The following PRKD1 variants were observed in gnomAD, a reference collection of about 807,000 sequenced individuals.
PRKD1 encodes the protein protein kinase D1, also known as serine/threonine-protein kinase D1.
A neutral mutation model predicts 95.9 loss-of-function variants in PRKD1; 63 were observed. That is an observed-to-expected ratio of 0.66 (90% CI 0.54 to 0.81). The LOEUF (loss-of-function observed/expected upper bound fraction) is 0.81. PRKD1 is among the 30% of genes least tolerant of loss of function. PRKD1 has a pLI of 0.00. For missense variants in PRKD1, 1,048 were observed against 1,165.3 expected (o/e 0.90, Z 1.47); for synonymous variants, 425 against 423.1 (o/e 1.00, Z -0.05).
chr14:29,839,293 T>A (rs1181549340), intron 1 of PRKD1, among the ~76,000 whole-genome samples: 1 of 152,188 alleles, frequency 6.6e-6, no homozygotes, highest in Non-Finnish European at 1.5e-5. Flanking sequence ...TTGATGGAAA[T>A]TTTAAACAAC....
chr14:29,835,069 A>T (rs1208284333), intron 1 of PRKD1, among the ~76,000 whole-genome samples: 3 of 152,206 alleles, frequency 2.0e-5, no homozygotes, highest in Non-Finnish European at 4.4e-5. Flanking sequence ...TAACATACAA[A>T]GAAATACAAA....
intron 2 of PRKD1, among the ~76,000 whole-genome samples, chr14:29,693,662 A>C (rs1371622518): frequency 6.6e-6 from 1 of 150,894 alleles, no homozygotes; most frequent in Non-Finnish European, 1.5e-5. Flanking sequence ...AAAAAAAAAA[A>C]ACCAACACCA....
At chr14:29,657,605 G>C (rs1376576969) in intron 4 of PRKD1, 2 of 152,358 alleles carry the variant, frequency 1.3e-5, no homozygotes, top group Non-Finnish European at 2.9e-5. Flanking sequence ...AGTGGCTCAC[G>C]GCTGTAATGC....
chr14:29,600,660 T>C lies in PRKD1; in HGVS notation c.1906-843A>G, dbSNP rs888776257. Among the ~76,000 whole-genome samples the C allele has an allele frequency of 8.5e-5, 13 of 152,130 alleles. 1 individual carries two copies. The highest frequency in any genetic ancestry group is 7.2e-4 in the Admixed American group (11 of 15,262). ...GGATGTAAGTATGCGTGGATTTTGA[T>C]ATGTGGTGCGGTGGTTCTGGAACAA... On this transcript the variant is annotated intron_variant, in intron 13 of 17. Coordinates refer to ENST00000331968, the MANE Select transcript of PRKD1 (RefSeq NM_002742.3).
chr14:29,641,957 G>A (rs1157314718), intron 4 of PRKD1, among the ~76,000 whole-genome samples: 2 of 136,250 alleles, frequency 1.5e-5, no homozygotes, highest in East Asian at 4.2e-4. Context: ...AGGCTGCAGT[G>A]CAATGGGGCA....
rs139656260 is a variant in PRKD1, at chr14:29,604,552, G to A, written c.1906-4735C>T. Among the ~76,000 whole-genome samples the A allele has an allele frequency of 9.5e-3, 1,448 of 152,202 alleles. 25 individuals carry two copies. The highest frequency in any genetic ancestry group is 0.033 in the African/African-American group (1,381 of 41,520). On this transcript the variant is annotated intron_variant, in intron 13 of 17. Coordinates refer to ENST00000331968, the MANE Select transcript of PRKD1 (RefSeq NM_002742.3). ...ATTCCATCACACAATGGAATGGGTG[G>A]GGGGCATGAGGTACAGTACTGCAGC...
chr14:29,916,348 C>G (rs1358607376), intron 1 of PRKD1, among the ~76,000 whole-genome samples: 3 of 152,226 alleles, frequency 2.0e-5, no homozygotes, highest in East Asian at 3.8e-4. Context: ...TCTTCTGGCT[C>G]TAGCCACAGG....
At chr14:29,667,914 T>G (rs1421106441) in intron 2 of PRKD1, among the ~76,000 whole-genome samples, 1 of 147,998 alleles carries the variant, frequency 6.8e-6, no homozygotes, top group Non-Finnish European at 1.5e-5. Context: ...CTCCTCCAAT[T>G]TATGCTAGGT....
chr14:29,731,882 T>TTA (rs1372985584), intron 1 of PRKD1, among the ~76,000 whole-genome samples: 395 of 124,636 alleles, frequency 3.2e-3, no homozygotes, highest in Admixed American at 9.9e-3. Context: ...TTTTTTTTTT[T>TTA]TTTTTTTTTG....
At chr14:29,714,547 T>G (rs1464785376) in intron 2 of PRKD1, among the ~76,000 whole-genome samples, 1 of 152,188 alleles carries the variant, frequency 6.6e-6, no homozygotes, top group Non-Finnish European at 1.5e-5. Context: ...GAAGACAGTG[T>G]GGTGATTCCT....
intron 1 of PRKD1, among the ~76,000 whole-genome samples, chr14:29,788,384 T>C (rs1889369553): frequency 6.6e-6 from 1 of 152,222 alleles, no homozygotes; most frequent in African/African-American, 2.4e-5. Flanking sequence ...TTAACTATAA[T>C]GTGCCTTGGA....
chr14:29,756,567 C>G (rs556018531), intron 1 of PRKD1, among the ~76,000 whole-genome samples: 4 of 152,314 alleles, frequency 2.6e-5, no homozygotes, highest in African/African-American at 9.6e-5. Flanking sequence ...AGACAAAACT[C>G]CCACCAGAAA....
At chr14:29,804,653 A>G (rs1020861638) in intron 1 of PRKD1, among the ~76,000 whole-genome samples, 1 of 152,172 alleles carries the variant, frequency 6.6e-6, no homozygotes, top group Non-Finnish European at 1.5e-5. Context: ...GTGAACAGTT[A>G]AAAAGCAATG....
At chr14:29,803,348 C>CAG (rs1021555616) in intron 1 of PRKD1, among the ~76,000 whole-genome samples, 2 of 152,126 alleles carry the variant, frequency 1.3e-5, no homozygotes, top group Non-Finnish European at 2.9e-5. Context: ...AAACTATGAC[C>CAG]ATTTTGGGGA....
chr14:29,636,044 CAAAAA>C (rs10590081), intron 7 of PRKD1, among the ~76,000 whole-genome samples: 3 of 143,090 alleles, frequency 2.1e-5, no homozygotes, highest in Admixed American at 6.9e-5. Flanking sequence ...CTCTCACATG[CAAAAA>C]AAAAAAAAAA....
chr14:29,790,928 T>G (rs201945767), intron 1 of PRKD1, among the ~76,000 whole-genome samples: 1 of 152,178 alleles, frequency 6.6e-6, no homozygotes, highest in East Asian at 1.9e-4. Flanking sequence ...CCATGTAAAA[T>G]GAAGTTCTAA....
intron 1 of PRKD1, among the ~76,000 whole-genome samples, chr14:29,738,745 G>A (rs559466930): frequency 1.3e-5 from 2 of 151,412 alleles, no homozygotes; most frequent in South Asian, 4.2e-4. Context: ...CAAGCCCAAT[G>A]CTTCTTTCTT....
At chr14:29,760,633 G>A (rs1175812624) in intron 1 of PRKD1, among the ~76,000 whole-genome samples, 3 of 152,052 alleles carry the variant, frequency 2.0e-5, no homozygotes, top group African/African-American at 7.2e-5. Context: ...GATTACAGGC[G>A]TGAGCCACCA....
At chr14:29,687,930 T>C (rs538312559) in intron 2 of PRKD1, among the ~76,000 whole-genome samples, 1 of 152,174 alleles carries the variant, frequency 6.6e-6, no homozygotes, top group African/African-American at 2.4e-5. Context: ...AATACTTGTA[T>C]TAGTTTCCTA....
Sources: gnomAD v4.1 joint callset for allele counts (sites outside exome capture counted in the v4.1 genomes callset) on GRCh38, gnomAD v4.1.1 for gene constraint, MANE v1.5 for transcripts, NCBI Gene and HGNC (gene_info 2026-07-23, HGNC 2026-07-21) for gene names.